Variants in CREBRF observed in about 807,000 individuals in gnomAD.
CREBRF encodes CREB3 regulatory factor.
In CREBRF, 5 loss-of-function variants were observed where a neutral mutation model predicts 66.1. The observed-to-expected ratio is 0.08, with a 90% CI of 0.04 to 0.16. CREBRF has a LOEUF of 0.16. CREBRF is among the 10% of genes least tolerant of loss of function. The pLI, the probability that CREBRF is intolerant of heterozygous loss-of-function variation, is 1.00. For synonymous variants in CREBRF, 229 were observed against 264.4 expected, an observed-to-expected ratio of 0.87 and a Z score of 1.30; for missense variants, 531 against 744.9, an observed-to-expected ratio of 0.71 and a Z score of 3.34.
chr5:173,057,321 G>A (rs1581647788), intron 1 of CREBRF: 1 of 152,618 alleles, frequency 6.6e-6, no homozygotes, highest in Middle Eastern at 3.3e-3. Context: ...GGGACCAGTG[G>A]TGGTGGGTCA....
intron 8 of CREBRF, 130 bp from the exon 9 acceptor site, chr5:173,133,500 C>T: frequency 2.0e-6 from 1 of 506,872 alleles, no homozygotes; most frequent in Non-Finnish European, 3.6e-6. Context: ...ATAACAAGTG[C>T]CAGGGAATTC....
intron 8 of CREBRF, among the ~76,000 whole-genome samples, 170 bp from the exon 9 acceptor site, chr5:173,133,460 A>G (rs1189380547): frequency 6.6e-6 from 1 of 152,212 alleles, no homozygotes; most frequent in Non-Finnish European, 1.5e-5. Flanking sequence ...AGACAGTAAT[A>G]TGAAGGGTAG....
At chr5:173,105,230 T>TGTGTGC (rs1396763202) in intron 4 of CREBRF, among the ~76,000 whole-genome samples, 2 of 112,320 alleles carry the variant, frequency 1.8e-5, no homozygotes, top group East Asian at 1.0e-3. Context: ...TATATATGTG[T>TGTGTGC]GTGTGTGTGT....
chr5:173,081,259 A>C (rs1043575432), intron 2 of CREBRF, among the ~76,000 whole-genome samples: 3 of 152,154 alleles, frequency 2.0e-5, no homozygotes, highest in African/African-American at 7.2e-5. Context: ...GTGCACATGT[A>C]AATATCTCCC....
intron 1 of CREBRF, among the ~76,000 whole-genome samples, chr5:173,064,419 T>C (rs1412374210): frequency 2.0e-5 from 3 of 152,158 alleles, no homozygotes; most frequent in Non-Finnish European, 4.4e-5. Flanking sequence ...GGTCTTGCTC[T>C]GTCACCCAGG....
At chr5:173,091,903 A>G in intron 4 of CREBRF, 1 of 421,174 alleles carries the variant, frequency 2.4e-6, no homozygotes, top group Non-Finnish European at 3.2e-6. Context: ...CGGCCAACAC[A>G]GCGAAACCCT....
chr5:173,136,288 A>G lies in CREBRF; in HGVS notation c.*2543A>G, dbSNP rs1759586838. The G allele has an allele frequency of 6.6e-6, 1 of 151,858 alleles. No individual in the cohort carries two copies. The highest frequency in any genetic ancestry group is 2.4e-5 in the African/African-American group (1 of 41,324). 9.4% of individuals were successfully genotyped at this position (151,858 alleles called of 1,614,324 possible). A position where few individuals can be genotyped will look rare whatever the true frequency, so the allele number is the denominator to read the frequency against. On this transcript the variant is annotated 3_prime_UTR_variant, in exon 9 of 9. Coordinates refer to ENST00000296953, the MANE Select transcript of CREBRF (RefSeq NM_153607.3). ...CCATATCTTTGAGTTTCAGTGTTTT[A>G]TATGTACTACTTAAGTTAAATAGTT...
intron 8 of CREBRF, among the ~76,000 whole-genome samples, chr5:173,125,452 C>G (rs372459700): frequency 6.6e-6 from 1 of 152,102 alleles, no homozygotes; most frequent in African/African-American, 2.4e-5. Context: ...GGATTCTGAC[C>G]TTGATACTTC....
In CREBRF at chr5:173,134,226, A is replaced by G. The variant is rs1759536364; in HGVS notation, c.*481A>G. 6.6e-6 allele frequency: 1 copy of G among 150,972 alleles called. No individual in the cohort carries two copies. The highest frequency in any genetic ancestry group is 1.5e-5 in the Non-Finnish European group (1 of 68,670). 9.4% of individuals were successfully genotyped at this position (150,972 alleles called of 1,614,324 possible). A position where few individuals can be genotyped will look rare whatever the true frequency, so the allele number is the denominator to read the frequency against. ...CCCAGCACTTGTGCCTGTGGGCCAT[A>G]TTAGATGTTCATTGTCAGAGCTCAA... is the stretch of plus-strand genomic sequence containing the variant. On this transcript the variant is annotated 3_prime_UTR_variant, in exon 9 of 9. Transcript: ENST00000296953.
chr5:173,100,316 CTT>C (rs1758596954), intron 4 of CREBRF, among the ~76,000 whole-genome samples: 1 of 151,162 alleles, frequency 6.6e-6, no homozygotes, highest in Admixed American at 6.6e-5. Context: ...GCCTTTTTAA[CTT>C]TTATACTAGC....
intron 1 of CREBRF, among the ~76,000 whole-genome samples, chr5:173,059,472 C>T (rs1757201551): frequency 6.6e-6 from 1 of 151,698 alleles, no homozygotes; most frequent in Admixed American, 6.6e-5. Context: ...CCATGTTGGC[C>T]AGACTGGTCT....
In CREBRF at chr5:173,091,201, T is replaced by C. The variant is rs763580666; in HGVS notation, c.1022T>C (p.Val341Ala). 5 of 1,614,166 alleles carry C rather than the reference T, an allele frequency of 3.1e-6. No individual in the cohort carries two copies. In the South Asian group the frequency reaches 3.3e-5, roughly 11 times the overall value. ...KKEEHNYSLF[V>A]SDNLGEQPTK... ...GAAGAGCACAATTATTCTCTTTTTG[T>C]CTCCGACAACTTGGGTGAACAGCCA... The change falls in exon 4 of 9, where the codon GTC becomes GCC. Residue 341 changes from valine to alanine, a missense_variant. Val to Ala is a moderately conservative substitution (Grantham distance 64). This residue lies in a region of CREBRF where 309 missense variants were observed against 341.4 expected (regional missense o/e 0.90). Coordinates refer to ENST00000296953, the MANE Select transcript of CREBRF (RefSeq NM_153607.3).
chr5:173,057,911 G>A (rs969809434), intron 1 of CREBRF, among the ~76,000 whole-genome samples: 17 of 151,630 alleles, frequency 1.1e-4, no homozygotes, highest in African/African-American at 4.1e-4. Flanking sequence ...ACATAAGTTG[G>A]TAGTCCACAT....
At chr5:173,106,120 T>C (rs1758743500) in intron 4 of CREBRF, among the ~76,000 whole-genome samples, 1 of 152,052 alleles carries the variant, frequency 6.6e-6, no homozygotes, top group Non-Finnish European at 1.5e-5. Flanking sequence ...ACTCAACTTG[T>C]GCATCATTTT....
chr5:173,118,143 G>A (rs898920148), intron 7 of CREBRF, among the ~76,000 whole-genome samples: 5 of 152,156 alleles, frequency 3.3e-5, no homozygotes, highest in Non-Finnish European at 7.4e-5. Flanking sequence ...CAAAGTGCTG[G>A]GATTACAGGC....
At chr5:173,060,871 A>G (rs1221732614) in intron 1 of CREBRF, among the ~76,000 whole-genome samples, 1 of 152,192 alleles carries the variant, frequency 6.6e-6, no homozygotes, top group East Asian at 1.9e-4. Flanking sequence ...CTCTATTCCA[A>G]TAAAACTTTA....
At chr5:173,064,033 T>C (rs1581655305) in intron 1 of CREBRF, among the ~76,000 whole-genome samples, 1 of 152,196 alleles carries the variant, frequency 6.6e-6, no homozygotes, top group East Asian at 1.9e-4. Flanking sequence ...AAGTTTTTTT[T>C]CTTAAAGACT....
At chr5:173,105,662 C>T (rs936019251) in intron 4 of CREBRF, among the ~76,000 whole-genome samples, 2 of 147,842 alleles carry the variant, frequency 1.4e-5, no homozygotes, top group African/African-American at 2.5e-5. Context: ...GAGATGGTTT[C>T]GCCATGTTGG....
intron 3 of CREBRF, among the ~76,000 whole-genome samples, chr5:173,089,252 G>GA (rs1051916275): frequency 2.2e-5 from 3 of 134,686 alleles, no homozygotes; most frequent in Non-Finnish European, 4.8e-5. Context: ...AAAAATTAAA[G>GA]AAAAAAAATA....
Sources: gnomAD v4.1 joint callset for allele counts (sites outside exome capture counted in the v4.1 genomes callset) on GRCh38, gnomAD v4.1.1 for gene constraint, gnomAD v4.1.1 regional missense constraint, MANE v1.5 for transcripts, NCBI Gene and HGNC (gene_info 2026-07-23, HGNC 2026-07-21) for gene names.